The following CSRP3 variants were observed in gnomAD, a reference collection of about 807,000 sequenced individuals.
CSRP3 encodes the protein cysteine and glycine rich protein 3.
A neutral mutation model predicts 24.3 loss-of-function variants in CSRP3; 24 were observed. The ratio of observed to expected loss-of-function variants is 0.99; its 90% CI spans 0.71 to 1.39. The LOEUF (loss-of-function observed/expected upper bound fraction) is 1.39. CSRP3 is among the 40% of genes most tolerant of loss of function. The pLI is 0.00. For missense variants in CSRP3, 240 were observed against 249.0 expected (o/e 0.96, Z 0.24); for synonymous variants, 105 against 94.0 (o/e 1.12, Z -0.68).
intron 1 of CSRP3, among the ~76,000 whole-genome samples, chr11:19,193,966 G>A (rs1048376148): frequency 6.6e-6 from 1 of 152,160 alleles, no homozygotes; most frequent in Admixed American, 6.5e-5. Context: ...GCTGCCCAGG[G>A]GAGCTGCATT....
chr11:19,194,477 A>C (rs569816878), intron 1 of CSRP3, among the ~76,000 whole-genome samples: 1 of 152,072 alleles, frequency 6.6e-6, no homozygotes, highest in African/African-American at 2.4e-5. Flanking sequence ...GGAGTTTGAG[A>C]CCAGCCTGGG....
intron 3 of CSRP3, among the ~76,000 whole-genome samples, chr11:19,187,166 A>G (rs1850540341): frequency 6.6e-6 from 1 of 152,222 alleles, no homozygotes; most frequent in Non-Finnish European, 1.5e-5. Context: ...TGAGGCAGAG[A>G]ATGCAGTGGT....
chr11:19,196,444 CT>C (rs1850706467), intron 1 of CSRP3, among the ~76,000 whole-genome samples: 2 of 152,124 alleles, frequency 1.3e-5, no homozygotes, highest in Non-Finnish European at 1.5e-5. Flanking sequence ...TCCCACTTCA[CT>C]TTAGGTTACT....
chr11:19,200,848 C>T (rs1313370349), intron 1 of CSRP3, among the ~76,000 whole-genome samples: 3 of 152,192 alleles, frequency 2.0e-5, no homozygotes, highest in South Asian at 2.1e-4. Context: ...TCCCACTCTT[C>T]GTGCTGTTCA....
chr11:19,197,549 T>C (rs1429503624), intron 1 of CSRP3, among the ~76,000 whole-genome samples: 1 of 140,748 alleles, frequency 7.1e-6, no homozygotes, highest in African/African-American at 2.7e-5. Flanking sequence ...CTTTCTTTCT[T>C]TCTTTCTTTC....
chr11:19,190,628 G>C (rs1231960040), intron 2 of CSRP3, among the ~76,000 whole-genome samples: 1 of 152,120 alleles, frequency 6.6e-6, no homozygotes, highest in African/African-American at 2.4e-5. Context: ...GATTAGTCTA[G>C]AGATTTAATT....
chr11:19,195,891 T>C (rs534284000), intron 1 of CSRP3, among the ~76,000 whole-genome samples: 2 of 152,200 alleles, frequency 1.3e-5, no homozygotes, highest in Non-Finnish European at 2.9e-5. Context: ...TGATGCTCAG[T>C]TCCATTTCTG....
At chr11:19,191,656 C>T (rs1005252277) in intron 2 of CSRP3, among the ~76,000 whole-genome samples, 3 of 152,096 alleles carry the variant, frequency 2.0e-5, no homozygotes, top group Non-Finnish European at 2.9e-5. Context: ...AATGACTTAT[C>T]GAAAGTCACG....
At chr11:19,192,831 T>C (rs1345309447) in intron 1 of CSRP3, among the ~76,000 whole-genome samples, 1 of 152,160 alleles carries the variant, frequency 6.6e-6, no homozygotes, top group Non-Finnish European at 1.5e-5. Context: ...TTTAAAAAAT[T>C]ATCCCATCAG....
intron 3 of CSRP3, 133 bp from the exon 4 acceptor site, chr11:19,186,481 G>T: frequency 8.5e-7 from 1 of 1,172,396 alleles, no homozygotes; most frequent in Non-Finnish European, 1.3e-6. Context: ...GATAATGATG[G>T]TGTCTTTCTC....
rs1376418428 is a variant in CSRP3, at chr11:19,182,683, T to A, written c.572A>T (p.Glu191Val). Residue 191 changes from glutamate to valine, a missense_variant, in exon 6 of 6, where the codon GAA (glutamate) becomes GTA (valine). Coordinates refer to ENST00000265968, the MANE Select transcript of CSRP3 (RefSeq NM_003476.5). ...IGFGGLTQQVEKKE is the reference protein window; with the variant it reads ...IGFGGLTQQVVKKE Reference sequence around the variant, plus strand: ...CGGCGCACCTCTTCATTCTTTCTTTTCCACTTGTTGTGTAAGGCCTCCAAA... The same window carrying A: ...CGGCGCACCTCTTCATTCTTTCTTTACCACTTGTTGTGTAAGGCCTCCAAA... 5 of 1,614,060 alleles carry A rather than the reference T, an allele frequency of 3.1e-6. No homozygotes were observed. The African/African-American group carries it at 6.7e-5, about 22-fold the overall frequency.
At chr11:19,201,677 C>T (rs1007457906) in intron 1 of CSRP3, among the ~76,000 whole-genome samples, 8 of 152,198 alleles carry the variant, frequency 5.3e-5, no homozygotes, top group South Asian at 2.1e-4. Context: ...AATTCCACCA[C>T]GTAAGTAGTT....
Position 19,192,459 on chromosome 11 carries a change from A to C in CSRP3, c.-11T>G, listed in dbSNP as rs774006811. On this transcript the variant is annotated 5_prime_UTR_variant, in exon 2 of 6. Coordinates refer to ENST00000265968, the MANE Select transcript of CSRP3 (RefSeq NM_003476.5). Reference sequence around the variant, plus strand: ...GCCCCAGTTTGGCATCTTGAAGACTATCTGGTCAAGGTCAAGTCTAAGGGG... The same window carrying C: ...GCCCCAGTTTGGCATCTTGAAGACTCTCTGGTCAAGGTCAAGTCTAAGGGG... 1 of 1,609,642 alleles carries C rather than the reference A, an allele frequency of 6.2e-7. No homozygotes were observed. The highest frequency in any genetic ancestry group is 8.5e-7 in the Non-Finnish European group (1 of 1,176,038).
At chr11:19,192,639 AAGCTC>A (rs1451203170) in intron 1 of CSRP3, among the ~76,000 whole-genome samples, 163 bp from the exon 2 acceptor site, 2 of 152,192 alleles carry the variant, frequency 1.3e-5, no homozygotes, top group Non-Finnish European at 2.9e-5. Flanking sequence ...GTCATTAAAT[AAGCTC>A]AGACACTTAG....
intron 2 of CSRP3, 34 bp from the exon 3 acceptor site, chr11:19,188,338 T>C (rs1590104514): frequency 1.9e-6 from 3 of 1,609,660 alleles, no homozygotes; most frequent in East Asian, 4.5e-5. Flanking sequence ...GGGATTGGAA[T>C]TGAAATCCTT....
At chr11:19,183,743 C>A (rs961242828) in intron 5 of CSRP3, among the ~76,000 whole-genome samples, 15 of 152,154 alleles carry the variant, frequency 9.9e-5, no homozygotes, top group Admixed American at 2.6e-4. Flanking sequence ...TGAGCTAGTT[C>A]CCATCCTGTG....
chr11:19,183,794 G>A lies in CSRP3; in HGVS notation c.509-1048C>T, dbSNP rs150707342. On this transcript the variant is annotated intron_variant, in intron 5 of 5. Transcript: ENST00000265968. The stretch of plus-strand genomic sequence containing the variant: ...CTTTGGCAGCTGATATGGTTTGGCT[G>A]TATCCCCACCTAAATCTCATCTTGA... Among the ~76,000 whole-genome samples, 613 of 152,230 alleles carry A rather than the reference G, an allele frequency of 4.0e-3. 4 individuals carry two copies. The highest frequency in any genetic ancestry group is 0.014 in the African/African-American group (579 of 41,538).
At chr11:19,193,783 A>C (rs1850652742) in intron 1 of CSRP3, among the ~76,000 whole-genome samples, 1 of 152,214 alleles carries the variant, frequency 6.6e-6, no homozygotes, top group African/African-American at 2.4e-5. Context: ...GTACCACTGC[A>C]CTCCAGCCTG....
intron 1 of CSRP3, among the ~76,000 whole-genome samples, chr11:19,200,006 A>G (rs1850809252): frequency 6.6e-6 from 1 of 152,146 alleles, no homozygotes; most frequent in African/African-American, 2.4e-5. Context: ...CCTCTTGTAA[A>G]ACAAATTAAT....
Sources: allele counts gnomAD v4.1 joint callset (sites outside exome capture counted in the v4.1 genomes callset), GRCh38; gene constraint gnomAD v4.1.1; transcripts MANE v1.5; gene names NCBI Gene and HGNC (gene_info 2026-07-23, HGNC 2026-07-21).